The following C1QTNF12 variants were observed in gnomAD, a reference collection of about 807,000 sequenced individuals.
C1QTNF12 encodes C1q and TNF related 12, also known as adipolin.
A neutral mutation model predicts 34.3 loss-of-function variants in C1QTNF12; 39 were observed. That is an observed-to-expected ratio of 1.14 (90% CI 0.88 to 1.49). C1QTNF12 has a LOEUF of 1.49. C1QTNF12 is among the 40% of genes most tolerant of loss of function. C1QTNF12 has a pLI of 0.00. For synonymous variants in C1QTNF12, 220 were observed against 196.9 expected (o/e 1.12, Z -0.98); for missense variants, 497 against 424.7 (o/e 1.17, Z -1.50).
In C1QTNF12 at chr1:1,246,551, C is replaced by G; in HGVS notation, c.140G>C (p.Ser47Thr). Residue 47 changes from serine to threonine, a missense_variant, in exon 1 of 8, where the codon AGC becomes ACC. Physicochemically the swap from Ser to Thr is moderately conservative, Grantham distance 58. Coordinates refer to ENST00000330388, the MANE Select transcript of C1QTNF12 (RefSeq NM_001014980.3). This position sits in a 1 kb window ranked among gnomAD's most constrained non-coding sequence, Gnocchi z 4.5. Reference protein sequence around the residue: ...QRADPPNATASASSREGLPEA... With the variant: ...QRADPPNATATASSREGLPEA... ...GGGCAGCCCCTCGCGGGAGGACGCGCTGGCGGTGGCGTTGGGGGGATCTGC... is the reference window on the plus strand; with the variant it reads ...GGGCAGCCCCTCGCGGGAGGACGCGGTGGCGGTGGCGTTGGGGGGATCTGC... 8.1e-7 allele frequency: 1 copy of G among 1,240,072 alleles called. No individual in the cohort carries two copies. Among genetic ancestry groups the G allele is most frequent in the Non-Finnish European group, 1.0e-6 (1 of 991,902 alleles). The allele number at this position is 1,240,072 out of a possible 1,614,324, so 76.8% of individuals were successfully genotyped here. A position where few individuals can be genotyped will look rare whatever the true frequency, so the allele number is the denominator to read the frequency against.
At position 1,246,460 on chromosome 1, in the gene C1QTNF12, A is replaced by G; in HGVS notation, c.177+54T>C. The stretch of plus-strand genomic sequence containing the variant: ...AGCCTGCTGGGGGAGGACGCCCCAG[A>G]GCCCCAGCTCCGAAGCTGCCCCGCG... On this transcript the variant is annotated intron_variant, in intron 1 of 7. Coordinates refer to ENST00000330388, the MANE Select transcript of C1QTNF12 (RefSeq NM_001014980.3). This position sits in a 1 kb window ranked among gnomAD's most constrained non-coding sequence, Gnocchi z 4.5. 1 of 1,218,874 alleles carries G rather than the reference A, an allele frequency of 8.2e-7. No homozygotes were observed. The highest frequency in any genetic ancestry group is 1.0e-6 in the Non-Finnish European group (1 of 976,774). 75.5% of individuals were successfully genotyped at this position (1,218,874 alleles called of 1,614,324 possible).
chr1:1,243,503 G>A lies in C1QTNF12; in HGVS notation c.581C>T (p.Ser194Leu), dbSNP rs145645025. 2.2e-4 allele frequency: 343 copies of A among 1,559,890 alleles called. No individual in the cohort carries two copies. In the African/African-American group the frequency reaches 2.3e-3, roughly 10 times the overall value. The change falls in exon 5 of 8, where the codon TCG becomes TTG. Residue 194 changes from serine to leucine, a missense_variant. Ser to Leu is a moderately radical substitution (Grantham distance 145). Coordinates refer to ENST00000330388, the MANE Select transcript of C1QTNF12 (RefSeq NM_001014980.3). ...FLRGSGLSLASGRFTAPVSGI... is the reference protein window; with the variant it reads ...FLRGSGLSLALGRFTAPVSGI... ...GGACACGGGGGCCGTGAACCGACCCGAGGCCAGGCTCAGACCGGAGCCTCG... is the reference window on the plus strand; with the variant it reads ...GGACACGGGGGCCGTGAACCGACCCAAGGCCAGGCTCAGACCGGAGCCTCG...
In C1QTNF12 at chr1:1,243,168, T is replaced by C; in HGVS notation, c.641-16A>G. On this transcript the variant is annotated splice_polypyrimidine_tract_variant and intron_variant, in intron 5 of 7. Coordinates refer to ENST00000330388, the MANE Select transcript of C1QTNF12 (RefSeq NM_001014980.3). Reference sequence around the variant, plus strand: ...TCACTGTGGTCTGCGGAGAGAGCCCTGGGGAGGGTGGTGCATGGGGGGCGG... The same window carrying C: ...TCACTGTGGTCTGCGGAGAGAGCCCCGGGGAGGGTGGTGCATGGGGGGCGG... The C allele has an allele frequency of 1.6e-6, 1 of 636,912 alleles. No individual in the cohort carries two copies. The highest frequency in any genetic ancestry group is 1.9e-6 in the Non-Finnish European group (1 of 537,892). The allele number at this position is 636,912 out of a possible 1,614,324, so 39.5% of individuals were successfully genotyped here.
At chr1:1,242,943 G>C (rs1239658023) in intron 6 of C1QTNF12, 30 bp from the exon 7 acceptor site, 1 of 1,605,324 alleles carries the variant, frequency 6.2e-7, no homozygotes. Context: ...GCAAGAGGGA[G>C]GCGTTGCAGG....
chr1:1,243,183 A>C, intron 5 of C1QTNF12, 31 bp from the exon 6 acceptor site: 1 of 119,520 alleles, frequency 8.4e-6, no homozygotes, highest in Non-Finnish European at 1.4e-5. Context: ...AGGGTGGTGC[A>C]TGGGGGGCGG....
Position 1,242,484 on chromosome 1 carries a change from C to T in C1QTNF12, c.*64G>A, listed in dbSNP as rs541352196. The T allele has an allele frequency of 1.4e-5, 17 of 1,253,642 alleles. No homozygotes were observed. The highest frequency in any genetic ancestry group is 5.1e-5 in the East Asian group (2 of 39,516). 77.7% of individuals were successfully genotyped at this position (1,253,642 alleles called of 1,614,324 possible). On this transcript the variant is annotated 3_prime_UTR_variant, in exon 8 of 8. Coordinates refer to ENST00000330388, the MANE Select transcript of C1QTNF12 (RefSeq NM_001014980.3). The stretch of plus-strand genomic sequence containing the variant: ...GGAGGGCTCTTTATTGTGGTGACCA[C>T]GGGCATCAGTAGGAGGGTCCCCGGG...
intron 4 of C1QTNF12, among the ~76,000 whole-genome samples, 166 bp downstream of exon 4, chr1:1,243,788 C>T (rs1288482602): frequency 1.3e-5 from 2 of 152,148 alleles, no homozygotes; most frequent in Non-Finnish European, 2.9e-5. Flanking sequence ...TGATCTGGGC[C>T]CCCAGGGCCT....
At chr1:1,242,701 CCAA>C (rs1638770247) in intron 7 of C1QTNF12, 55 bp from the exon 8 acceptor site, 13 of 1,552,970 alleles carry the variant, frequency 8.4e-6, no homozygotes, top group Non-Finnish European at 1.1e-5. Context: ...CACTCGGTGG[CCAA>C]CGTCTGCCCA....
chr1:1,244,353 A>G (rs1448086549), intron 2 of C1QTNF12, 28 bp downstream of exon 2: 39 of 1,604,702 alleles, frequency 2.4e-5, no homozygotes, highest in Non-Finnish European at 3.1e-5. Context: ...CGGGGCTCAG[A>G]CCCTGCAGCA....
chr1:1,246,425 G>C lies in C1QTNF12; in HGVS notation c.177+89C>G. 9.0e-7 allele frequency: 1 copy of C among 1,113,430 alleles called. No homozygotes were observed. The highest frequency in any genetic ancestry group is 1.1e-6 in the Non-Finnish European group (1 of 881,206). 69.0% of individuals were successfully genotyped at this position (1,113,430 alleles called of 1,614,324 possible). A position where few individuals can be genotyped will look rare whatever the true frequency, so the allele number is the denominator to read the frequency against. On this transcript the variant is annotated intron_variant, in intron 1 of 7. Coordinates refer to ENST00000330388, the MANE Select transcript of C1QTNF12 (RefSeq NM_001014980.3). This position sits in a 1 kb window ranked among gnomAD's most constrained non-coding sequence, Gnocchi z 4.5. ...AAAGGGCGACCCGGAGGCAGAGCCG[G>C]CAGGGACAGAGCCTGCTGGGGGAGG... is the stretch of plus-strand genomic sequence containing the variant.
chr1:1,246,727 G>A, upstream of C1QTNF12: 1 of 1,211,366 alleles, frequency 8.3e-7, no homozygotes, highest in Non-Finnish European at 1.0e-6. This position sits in a 1 kb window ranked among gnomAD's most constrained non-coding sequence, Gnocchi z 4.5. Flanking sequence ...GGCGAGTCTC[G>A]GCGCCAGGGC....
chr1:1,246,734 G>A (rs1047189993), upstream of C1QTNF12: 3 of 1,208,660 alleles, frequency 2.5e-6, no homozygotes, highest in African/African-American at 4.7e-5. The surrounding 1 kb of genome is among the most constrained non-coding windows in gnomAD (Gnocchi z 4.5). Flanking sequence ...CTCGGCGCCA[G>A]GGCGCAGTCA....
chr1:1,244,265 A>C lies in C1QTNF12; in HGVS notation c.305T>G (p.Phe102Cys), dbSNP rs1389636059. The stretch of plus-strand genomic sequence containing the variant: ...TGCACCTGGAGGTCCTGGGGGACCG[A>C]AGAGATCCCGCTGGGGGGAGAGAGA... ...GSRDKKPRDL[F>C]GPPGPPGAEV... The change falls in exon 3 of 8, where the codon TTC becomes TGC. Residue 102 changes from phenylalanine (F) to cysteine (C), a missense_variant. Transcript: ENST00000330388. 1 of 1,594,650 alleles carries C rather than the reference A, an allele frequency of 6.3e-7. No individual in the cohort carries two copies. The highest frequency in any genetic ancestry group is 1.3e-5 in the African/African-American group (1 of 74,316).
At position 1,243,288 on chromosome 1, in the gene C1QTNF12, C is replaced by G. The variant is rs915534111; in HGVS notation, c.641-136G>C. 7.1e-6 allele frequency: 7 copies of G among 986,698 alleles called. No individual in the cohort carries two copies. The African/African-American group carries it at 8.2e-5, about 12-fold the overall frequency. 61.1% of individuals were successfully genotyped at this position (986,698 alleles called of 1,614,324 possible). ...TGGGGAGGGGGCGCCTGAGGCCAGG[C>G]GTGCAGCAGGGACCCCATGCCCAGT... On this transcript the variant is annotated intron_variant, in intron 5 of 7. Coordinates refer to ENST00000330388, the MANE Select transcript of C1QTNF12 (RefSeq NM_001014980.3).
rs1460565942 is a variant in C1QTNF12, at chr1:1,244,484, G to A, written c.191C>T (p.Ser64Leu). 3 of 1,611,320 alleles carry A rather than the reference G, an allele frequency of 1.9e-6. No homozygotes were observed. The highest frequency in any genetic ancestry group is 4.5e-5 in the East Asian group (2 of 44,856). Residue 64 changes from serine to leucine, a missense_variant, in exon 2 of 8, where the codon TCA (serine) becomes TTA (leucine). Ser to Leu is a moderately radical substitution (Grantham distance 145). Transcript: ENST00000330388. ...LPEAPKPSQA[S>L]GPEFSDAHMT... ...GTGGGCGTCGGAGAACTCAGGTCCT[G>A]AGGCCTGGGATGGCTGAAGGGACGG...
rs1416948984 is a variant in C1QTNF12, at chr1:1,243,150, G to T, written c.643C>A (p.His215Asn). The T allele has an allele frequency of 6.4e-7, 1 of 1,563,878 alleles. No individual in the cohort carries two copies. The highest frequency in any genetic ancestry group is 1.9e-5 in the Admixed American group (1 of 53,280). ...FQFSASLHVD[H>N]SELQGKARLR... is the part of the protein sequence containing the mutation. ...CGGGCCTTGCCCTGCAGCTCACTGT[G>T]GTCTGCGGAGAGAGCCCTGGGGAGG... The change falls in exon 6 of 8, where the codon CAC becomes AAC. Residue 215 changes from histidine (H) to asparagine (N), a missense_variant and splice_region_variant. His to Asn is a moderately conservative substitution (Grantham distance 68). Transcript: ENST00000330388.
rs768475317 is a variant in C1QTNF12, at chr1:1,244,001, G to A, written c.484C>T (p.Arg162Cys). The A allele has an allele frequency of 1.3e-5, 21 of 1,605,710 alleles. No homozygotes were observed. Among genetic ancestry groups the A allele is most frequent in the African/African-American group, 5.4e-5 (4 of 74,728 alleles). Residue 162 changes from arginine (R) to cysteine (C), a missense_variant, in exon 4 of 8, where the codon CGC becomes TGC. Transcript: ENST00000330388. Reference sequence around the variant, plus strand: ...ACCAGCGTCCGCTTGTCCACCCGGCGGGGACCCTGCAGCCGGCAGTGAAAG... The same window carrying A: ...ACCAGCGTCCGCTTGTCCACCCGGCAGGGACCCTGCAGCCGGCAGTGAAAG... ...EAFHCRLQGP[R>C]RVDKRTLVEL...
At chr1:1,244,357 T>C in intron 2 of C1QTNF12, 24 bp downstream of exon 2, 1 of 1,606,894 alleles carries the variant, frequency 6.2e-7, no homozygotes, top group East Asian at 2.2e-5. Flanking sequence ...GCTCAGACCC[T>C]GCAGCAGCCC....
At chr1:1,243,795 G>A (rs993100842) in intron 4 of C1QTNF12, among the ~76,000 whole-genome samples, 159 bp downstream of exon 4, 1 of 152,126 alleles carries the variant, frequency 6.6e-6, no homozygotes, top group African/African-American at 2.4e-5. Context: ...GGCCCCCAGG[G>A]CCTCCCAACC....
Sources: allele counts gnomAD v4.1 joint callset (sites outside exome capture counted in the v4.1 genomes callset), GRCh38; gene constraint gnomAD v4.1.1; non-coding constraint Gnocchi (gnomAD v3.1); transcripts MANE v1.5; gene names NCBI Gene and HGNC (gene_info 2026-07-23, HGNC 2026-07-21).